Variants in TGS1 observed in about 807,000 individuals in gnomAD.
TGS1 encodes the protein trimethylguanosine synthase.
Under a neutral mutation model 92.2 loss-of-function variants are expected in TGS1, and 69 were observed. The observed-to-expected ratio is 0.75, with a 90% CI of 0.62 to 0.91. The LOEUF is 0.91. TGS1 is among the 40% of genes least tolerant of loss of function. The pLI, the probability that TGS1 is intolerant of heterozygous loss-of-function variation, is 0.00. For synonymous variants in TGS1, 345 were observed against 338.1 expected (o/e 1.02, Z -0.22); for missense variants, 1,062 against 1,001.2 (o/e 1.06, Z -0.82).
intron 9 of TGS1, among the ~76,000 whole-genome samples, chr8:55,804,563 A>G (rs1812309952): frequency 6.6e-6 from 1 of 152,204 alleles, no homozygotes. Flanking sequence ...TAGAGCAGCT[A>G]GTTCTCTATT....
intron 7 of TGS1, among the ~76,000 whole-genome samples, chr8:55,796,740 C>T (rs1470940478): frequency 6.6e-6 from 1 of 152,102 alleles, no homozygotes; most frequent in South Asian, 2.1e-4. Context: ...CCTGTAATCC[C>T]AGCACTTAGG....
At chr8:55,798,458 T>A (rs2130176117) in intron 7 of TGS1, among the ~76,000 whole-genome samples, 1 of 152,328 alleles carries the variant, frequency 6.6e-6, no homozygotes, top group East Asian at 1.9e-4. Flanking sequence ...CCTAAATCTT[T>A]TTAGGGTTCG....
intron 10 of TGS1, among the ~76,000 whole-genome samples, chr8:55,807,405 A>G (rs1358591254): frequency 1.3e-5 from 2 of 152,204 alleles, no homozygotes; most frequent in African/African-American, 4.8e-5. Context: ...AACTGCCAGT[A>G]ACTGTGTCAA....
intron 5 of TGS1, among the ~76,000 whole-genome samples, chr8:55,791,556 A>G (rs1585766786): frequency 6.6e-6 from 1 of 152,160 alleles, no homozygotes; most frequent in Admixed American, 6.5e-5. Flanking sequence ...CCTAACAACC[A>G]CTGGCTCTCC....
At chr8:55,815,186 T>C (rs1157043030) in intron 12 of TGS1, among the ~76,000 whole-genome samples, 1 of 152,184 alleles carries the variant, frequency 6.6e-6, no homozygotes, top group Non-Finnish European at 1.5e-5. Flanking sequence ...AAAGTTAACT[T>C]TTTAATTTGT....
At chr8:55,799,947 G>A (rs1458034199) in intron 8 of TGS1, among the ~76,000 whole-genome samples, 2 of 152,064 alleles carry the variant, frequency 1.3e-5, no homozygotes, top group Non-Finnish European at 2.9e-5. Flanking sequence ...TTGATGGCAC[G>A]TTAATATAAA....
intron 12 of TGS1, among the ~76,000 whole-genome samples, chr8:55,816,957 C>T (rs759031519): frequency 1.2e-4 from 18 of 151,892 alleles, no homozygotes; most frequent in Admixed American, 1.3e-4. Flanking sequence ...GCCTGCCTCC[C>T]GGGTTCAAGC....
intron 10 of TGS1, among the ~76,000 whole-genome samples, chr8:55,810,439 G>A (rs750687712): frequency 6.6e-6 from 1 of 152,156 alleles, no homozygotes; most frequent in Non-Finnish European, 1.5e-5. Context: ...GTTTTCCTTA[G>A]AAGTTGTCGA....
At chr8:55,789,260 A>G (rs1470624440) in intron 4 of TGS1, among the ~76,000 whole-genome samples, 2 of 152,144 alleles carry the variant, frequency 1.3e-5, no homozygotes. Flanking sequence ...CAAAATAGAG[A>G]ACAAAGACAG....
intron 12 of TGS1, among the ~76,000 whole-genome samples, chr8:55,817,628 G>A (rs942197211): frequency 1.3e-5 from 2 of 151,956 alleles, no homozygotes; most frequent in Admixed American, 6.6e-5. Flanking sequence ...TTTTTAATTT[G>A]TGTCAAATTT....
In TGS1 at chr8:55,796,078, A is replaced by T. The variant is rs1563458615; in HGVS notation, c.1468A>T (p.Met490Leu). ...CCTAGACATGCGCAGACAAATAAAG[A>T]TGAAAAACAAACACATCTTCTTTAC... ...KYLDMRRQIKMKNKHIFFTKE... is the reference protein window; with the variant it reads ...KYLDMRRQIKLKNKHIFFTKE... The change falls in exon 7 of 13, where the codon ATG (methionine) becomes TTG (leucine). Residue 490 changes from methionine (M) to leucine (L), a missense_variant. Physicochemically the swap from Met to Leu is conservative, Grantham distance 15. Coordinates refer to ENST00000260129, the MANE Select transcript of TGS1 (RefSeq NM_024831.8). The T allele has an allele frequency of 6.2e-7, 1 of 1,613,454 alleles. No individual in the cohort carries two copies. Among genetic ancestry groups the T allele is most frequent in the Non-Finnish European group, 8.5e-7 (1 of 1,179,534 alleles).
At chr8:55,802,185 C>A (rs527335751) in intron 8 of TGS1, among the ~76,000 whole-genome samples, 5 of 152,212 alleles carry the variant, frequency 3.3e-5, no homozygotes, top group African/African-American at 1.2e-4. Flanking sequence ...CAGAGCCAGA[C>A]TTCGTCTCTA....
At chr8:55,813,152 T>C in intron 12 of TGS1, 34 bp downstream of exon 12, 5 of 1,417,180 alleles carry the variant, frequency 3.5e-6, no homozygotes, top group Non-Finnish European at 5.0e-6. Flanking sequence ...CATGAGTGTC[T>C]GTCTTAACTG....
intron 5 of TGS1, among the ~76,000 whole-genome samples, chr8:55,790,540 T>TG (rs1349194576): frequency 6.6e-6 from 1 of 151,596 alleles, no homozygotes; most frequent in Non-Finnish European, 1.5e-5. Context: ...CTCGCTTTAT[T>TG]GCTCAGGCTG....
intron 4 of TGS1, among the ~76,000 whole-genome samples, chr8:55,789,411 A>G (rs1811812172): frequency 6.6e-6 from 1 of 152,220 alleles, no homozygotes; most frequent in African/African-American, 2.4e-5. Context: ...CAATGTGATT[A>G]TGCCCCCTTT....
At chr8:55,809,056 G>A (rs7826134) in intron 10 of TGS1, among the ~76,000 whole-genome samples, 93,662 of 152,114 alleles carry the variant, frequency 0.62, 28,951 homozygotes, top group Admixed American at 0.66. Context: ...GTATGTTCAT[G>A]TGTGCTTATA....
At chr8:55,822,080 T>C (rs113668076) in intron 12 of TGS1, among the ~76,000 whole-genome samples, 2,213 of 151,504 alleles carry the variant, frequency 0.015, 33 homozygotes, top group African/African-American at 0.033. Context: ...TTCTTTCTTT[T>C]TTTTTTTGAG....
rs1811692334 is a variant in TGS1 at position 55,785,807 on chromosome 8, T to TGAAC, written c.256_259dup (p.Leu87ArgfsTer3). On this transcript the variant is annotated frameshift_variant, in exon 3 of 13. Transcript: ENST00000260129. LOFTEE classifies it high-confidence loss of function. Reference sequence around the variant, plus strand: ...GCAAAGGCATAGGCCTGGATGAAAGTGAACTTGATTCTGAGGCTGAACTCA... The same window carrying TGAAC: ...GCAAAGGCATAGGCCTGGATGAAAGTGAACGAACTTGATTCTGAGGCTGAACTCA... 2 of 1,613,996 alleles carry TGAAC rather than the reference T, an allele frequency of 1.2e-6. No homozygotes were observed. The highest frequency in any genetic ancestry group is 4.5e-5 in the East Asian group (2 of 44,878).
intron 1 of TGS1, among the ~76,000 whole-genome samples, chr8:55,777,216 C>T (rs954912599): frequency 6.6e-6 from 1 of 151,754 alleles, no homozygotes; most frequent in Non-Finnish European, 1.5e-5. Context: ...ACCTTGTTGC[C>T]CACACTGGTC....
Sources: gnomAD v4.1 joint callset for allele counts (sites outside exome capture counted in the v4.1 genomes callset) on GRCh38, gnomAD v4.1.1 for gene constraint, MANE v1.5 for transcripts, NCBI Gene and HGNC (gene_info 2026-07-23, HGNC 2026-07-21) for gene names.